The following CNTN6 variants were observed in gnomAD, a reference collection of about 807,000 sequenced individuals.
CNTN6 encodes contactin-6.
A neutral mutation model predicts 122.8 loss-of-function variants in CNTN6; 137 were observed. That is an observed-to-expected ratio of 1.12 (90% CI 0.97 to 1.29). CNTN6 has a LOEUF of 1.29. CNTN6 is among the 50% of genes most tolerant of loss of function. CNTN6 has a pLI of 0.00. For synonymous variants in CNTN6, 570 were observed against 426.0 expected (o/e 1.34, Z -4.16); for missense variants, 1,634 against 1,223.4 (o/e 1.34, Z -5.01).
chr3:1,099,235 A>G (rs981708957), intron 1 of CNTN6, among the ~76,000 whole-genome samples: 2 of 152,006 alleles, frequency 1.3e-5, no homozygotes, highest in South Asian at 2.1e-4. Context: ...GCGGATCACG[A>G]GGTCAGGAGA....
In CNTN6 at chr3:1,388,336, C is replaced by G. The variant is rs186015832; in HGVS notation, c.2704+2539C>G. On this transcript the variant is annotated intron_variant, in intron 20 of 22. Transcript: ENST00000446702. ...TCACACGGCAGGGTATGCCAACAGACCTGAAGCTGAGGGTCCTGTCTGTTA... is the reference window on the plus strand; with the variant it reads ...TCACACGGCAGGGTATGCCAACAGAGCTGAAGCTGAGGGTCCTGTCTGTTA... 7.6e-3 allele frequency among the ~76,000 whole-genome samples: 1,108 copies of G among 145,852 alleles called. 57 individuals carry two copies. Among genetic ancestry groups the G allele is most frequent in the African/African-American group, 0.026 (1,055 of 39,970 alleles).
At chr3:1,364,224 T>A (rs547297786) in intron 12 of CNTN6, among the ~76,000 whole-genome samples, 1 of 151,982 alleles carries the variant, frequency 6.6e-6, no homozygotes, top group South Asian at 2.1e-4. Context: ...TATTTATTTC[T>A]AGACATTGCA....
chr3:1,198,625 G>C (rs1430421259), intron 2 of CNTN6, among the ~76,000 whole-genome samples: 1 of 152,010 alleles, frequency 6.6e-6, no homozygotes, highest in Admixed American at 6.6e-5. Flanking sequence ...AGGAGGCTGA[G>C]GCAGGAGAAT....
Position 1,272,519 on chromosome 3 carries a change from C to T in CNTN6, c.359-5894C>T, listed in dbSNP as rs556859579. 4.7e-5 allele frequency among the ~76,000 whole-genome samples: 7 copies of T among 148,302 alleles called. No individual in the cohort carries two copies. In the South Asian group the frequency reaches 1.6e-3, roughly 34 times the overall value. On this transcript the variant is annotated intron_variant, in intron 4 of 22. Coordinates refer to ENST00000446702, the MANE Select transcript of CNTN6 (RefSeq NM_001289080.2). ...AAACATTGCAATGAAATAATTCATA[C>T]ATAGTAAATGGGAAAAAATATATAT...
chr3:1,171,861 C>G (rs902093447), intron 2 of CNTN6, among the ~76,000 whole-genome samples: 1 of 152,174 alleles, frequency 6.6e-6, no homozygotes, highest in Non-Finnish European at 1.5e-5. Flanking sequence ...CCTGCCTCAG[C>G]CTCCCAAAGT....
At chr3:1,327,350 A>G in intron 9 of CNTN6, 107 bp from the exon 10 acceptor site, 1 of 1,248,018 alleles carries the variant, frequency 8.0e-7, no homozygotes, top group Non-Finnish European at 1.1e-6. Context: ...AATACACCAA[A>G]TTATCAGATC....
At chr3:1,333,180 A>G (rs1321029939) in intron 11 of CNTN6, among the ~76,000 whole-genome samples, 1 of 152,014 alleles carries the variant, frequency 6.6e-6, no homozygotes, top group Non-Finnish European at 1.5e-5. Context: ...GGGACAGAGT[A>G]TTGCACATAA....
At chr3:1,249,143 A>G (rs77938286) in intron 4 of CNTN6, among the ~76,000 whole-genome samples, 94 of 152,290 alleles carry the variant, frequency 6.2e-4, no homozygotes, top group African/African-American at 2.1e-3. Context: ...ATGTCTAAAG[A>G]CAATCAAATA....
intron 2 of CNTN6, among the ~76,000 whole-genome samples, chr3:1,165,768 C>T (rs915643968): frequency 6.6e-6 from 1 of 152,186 alleles, no homozygotes; most frequent in Non-Finnish European, 1.5e-5. Context: ...AAGTGACTTA[C>T]TCAAGATAAC....
At chr3:1,286,779 A>G (rs1054929652) in intron 5 of CNTN6, among the ~76,000 whole-genome samples, 11 of 152,196 alleles carry the variant, frequency 7.2e-5, no homozygotes, top group South Asian at 4.1e-4. Flanking sequence ...TGTATTCAGT[A>G]TCTCACATGG....
chr3:1,312,954 A>T (rs1050811650), intron 7 of CNTN6, among the ~76,000 whole-genome samples: 2 of 152,070 alleles, frequency 1.3e-5, no homozygotes, highest in African/African-American at 4.8e-5. Context: ...GAAAATACTT[A>T]GCATGGAGCT....
intron 1 of CNTN6, among the ~76,000 whole-genome samples, chr3:1,096,681 C>G (rs985065446): frequency 1.3e-5 from 2 of 152,172 alleles, no homozygotes; most frequent in Admixed American, 1.3e-4. Flanking sequence ...TCTTAACACT[C>G]TAGCAATTTC....
intron 2 of CNTN6, among the ~76,000 whole-genome samples, chr3:1,207,154 A>C (rs2093968752): frequency 6.6e-6 from 1 of 151,964 alleles, no homozygotes; most frequent in East Asian, 1.9e-4. Context: ...TATAAAACCA[A>C]AGTCTTTGTC....
intron 12 of CNTN6, among the ~76,000 whole-genome samples, chr3:1,353,908 A>T (rs1277887716): frequency 1.3e-5 from 2 of 151,534 alleles, no homozygotes; most frequent in Non-Finnish European, 3.0e-5. Flanking sequence ...TGTAGTTTTT[A>T]AAAGAAAGTT....
intron 1 of CNTN6, among the ~76,000 whole-genome samples, chr3:1,124,249 G>T (rs930267779): frequency 6.6e-6 from 1 of 151,768 alleles, no homozygotes; most frequent in Non-Finnish European, 1.5e-5. Context: ...GATTAGCCAG[G>T]CCAACGCGCC....
chr3:1,122,296 A>G (rs2091977606), intron 1 of CNTN6, among the ~76,000 whole-genome samples: 1 of 146,660 alleles, frequency 6.8e-6, no homozygotes, highest in African/African-American at 2.6e-5. Context: ...AGAGGAAGAG[A>G]GAAATAAATA....
chr3:1,220,885 T>G, intron 3 of CNTN6, 72 bp downstream of exon 3: 1 of 1,469,124 alleles, frequency 6.8e-7, no homozygotes, highest in Non-Finnish European at 9.1e-7. Context: ...CAAAATAAAG[T>G]GTTTTATAAA....
At chr3:1,261,687 T>A (rs532216420) in intron 4 of CNTN6, among the ~76,000 whole-genome samples, 1 of 152,248 alleles carries the variant, frequency 6.6e-6, no homozygotes, top group African/African-American at 2.4e-5. Context: ...TGAACAGATA[T>A]ATGGGATATG....
At chr3:1,300,468 G>C (rs1266883484) in intron 7 of CNTN6, among the ~76,000 whole-genome samples, 14 of 124,598 alleles carry the variant, frequency 1.1e-4, no homozygotes, top group African/African-American at 2.1e-4. Context: ...AGGAAGGAAG[G>C]AAGGAAGGAA....
Sources: allele counts gnomAD v4.1 joint callset (sites outside exome capture counted in the v4.1 genomes callset), GRCh38; gene constraint gnomAD v4.1.1; transcripts MANE v1.5; gene names NCBI Gene and HGNC (gene_info 2026-07-23, HGNC 2026-07-21).